Variants in MBD6 observed in about 807,000 individuals in gnomAD.
MBD6 encodes methyl-CpG binding domain protein 6.
In MBD6, 22 loss-of-function variants were observed where a neutral mutation model predicts 66.8. That is an observed-to-expected ratio of 0.33 (90% CI 0.24 to 0.47). MBD6 has a LOEUF of 0.47. Among genes scored for constraint, MBD6 ranks in the 20% least tolerant of loss-of-function variants. The pLI, the probability that MBD6 is intolerant of heterozygous loss-of-function variation, is 1.00. For missense variants in MBD6, 1,322 were observed against 1,286.9 expected (o/e 1.03, Z -0.42); for synonymous variants, 540 against 534.6 (o/e 1.01, Z -0.14).
chr12:57,527,425 A>C, intron 7 of MBD6, 82 bp from the exon 8 acceptor site: 1 of 1,511,368 alleles, frequency 6.6e-7, no homozygotes, highest in Non-Finnish European at 9.2e-7. Flanking sequence ...TTGAGGCTTC[A>C]GTCAGATAGT....
chr12:57,523,777 G>T (rs1471078699), intron 1 of MBD6, among the ~76,000 whole-genome samples: 5 of 152,200 alleles, frequency 3.3e-5, no homozygotes, highest in Non-Finnish European at 5.9e-5. Flanking sequence ...AATGGAGGGA[G>T]GCCTTGCCCT....
upstream of MBD6, among the ~76,000 whole-genome samples, chr12:57,522,364 C>G (rs1878409700): frequency 6.6e-6 from 1 of 152,312 alleles, no homozygotes; most frequent in Admixed American, 6.5e-5. Flanking sequence ...CGGGTCAAGT[C>G]CCAGCACACT....
rs1879442514 is a variant in MBD6, at chr12:57,529,718, A to G, written c.*484A>G. ...CATGCATCCTCCCCTTACCCCTCCA[A>G]CACCCCTCTGCCTCTGGCTCAGGTT... On this transcript the variant is annotated 3_prime_UTR_variant, in exon 13 of 13. Coordinates refer to ENST00000355673, the MANE Select transcript of MBD6 (RefSeq NM_052897.4). 1 of 157,116 alleles carries G rather than the reference A, an allele frequency of 6.4e-6. No individual in the cohort carries two copies. Among genetic ancestry groups the G allele is most frequent in the South Asian group, 1.9e-4 (1 of 5,366 alleles). 9.7% of individuals were successfully genotyped at this position (157,116 alleles called of 1,614,324 possible).
chr12:57,525,651 A>G lies in MBD6; in HGVS notation c.683A>G (p.Asn228Ser), dbSNP rs1316609540. The change falls in exon 6 of 13, where the codon AAC becomes AGC. Residue 228 changes from asparagine to serine, a missense_variant. By Grantham distance (46) the Asn-to-Ser change is conservative. Coordinates refer to ENST00000355673, the MANE Select transcript of MBD6 (RefSeq NM_052897.4). The part of the protein sequence containing the change: ...PAISLNAPSY[N>S]WGAALRSSLV... ...ATCAGCCTCAATGCTCCCTCATACA[A>G]CTGGGGAGCTGCCCTCAGATCCAGC... The G allele has an allele frequency of 2.5e-6, 4 of 1,613,408 alleles. No individual in the cohort carries two copies. Among genetic ancestry groups the G allele is most frequent in the Non-Finnish European group, 2.5e-6 (3 of 1,179,828 alleles).
chr12:57,530,669 TC>T (rs1407968817), downstream of MBD6: 1 of 1,607,324 alleles, frequency 6.2e-7, no homozygotes, highest in African/African-American at 1.3e-5. Flanking sequence ...TAACCCCTGT[TC>T]TCCAGCTCCC....
chr12:57,525,684 C>T lies in MBD6; in HGVS notation c.716C>T (p.Pro239Leu). 1.2e-6 allele frequency: 2 copies of T among 1,614,068 alleles called. No individual in the cohort carries two copies. Among genetic ancestry groups the T allele is most frequent in the Admixed American group, 1.7e-5 (1 of 60,016 alleles). Residue 239 changes from proline to leucine, a missense_variant, in exon 6 of 13, where the codon CCC becomes CTC. By Grantham distance (98) the Pro-to-Leu change is moderately conservative. Transcript: ENST00000355673. ...GCTGCCCTCAGATCCAGCCTGGTGCCCTCTGACCTGGGCTCTCCTCCGGCC... is the reference window on the plus strand; with the variant it reads ...GCTGCCCTCAGATCCAGCCTGGTGCTCTCTGACCTGGGCTCTCCTCCGGCC... ...WGAALRSSLV[P>L]SDLGSPPAPH... is the part of the protein sequence containing the mutation.
At chr12:57,521,510 CCTGTT>C (rs2140054524), upstream of MBD6, 1 of 152,376 alleles carries the variant, frequency 6.6e-6, no homozygotes, top group South Asian at 2.1e-4. Flanking sequence ...GGGGTGGTCT[CCTGTT>C]CTAGCCCCGT....
Position 57,529,536 on chromosome 12 carries a change from T to C in MBD6, c.*302T>C, listed in dbSNP as rs1469278501. On this transcript the variant is annotated 3_prime_UTR_variant, in exon 13 of 13. Transcript: ENST00000355673. Reference sequence around the variant, plus strand: ...GGGGAACACCCCCTTCCCCAGGTCTTTTATTTGTTTAAGTTATTTTTGCAC... The same window carrying C: ...GGGGAACACCCCCTTCCCCAGGTCTCTTATTTGTTTAAGTTATTTTTGCAC... The C allele has an allele frequency of 3.3e-6, 1 of 304,364 alleles. No individual in the cohort carries two copies. Among genetic ancestry groups the C allele is most frequent in the Non-Finnish European group, 6.2e-6 (1 of 162,206 alleles). The allele number at this position is 304,364 out of a possible 1,614,324, so 18.9% of individuals were successfully genotyped here.
In MBD6 at chr12:57,526,295, C is replaced by A. The variant is rs1342909501; in HGVS notation, c.1327C>A (p.Pro443Thr). The change falls in exon 6 of 13, where the codon CCA (proline) becomes ACA (threonine). Residue 443 changes from proline to threonine, a missense_variant. Physicochemically the swap from Pro to Thr is conservative, Grantham distance 38. Transcript: ENST00000355673. Reference sequence around the variant, plus strand: ...GTCAGATGCACACCTTCCTCCTCCCCCAACCCTCTCCTCAGGGAGCCCTCC... The same window carrying A: ...GTCAGATGCACACCTTCCTCCTCCCACAACCCTCTCCTCAGGGAGCCCTCC... ...LGSDAHLPPP[P>T]TLSSGSPPQP... 1.9e-6 allele frequency: 3 copies of A among 1,613,864 alleles called. No homozygotes were observed. The highest frequency in any genetic ancestry group is 3.3e-5 in the Admixed American group (2 of 59,976).
At chr12:57,527,760 C>T in intron 8 of MBD6, 88 bp from the exon 9 acceptor site, 9 of 1,557,416 alleles carry the variant, frequency 5.8e-6, no homozygotes, top group Non-Finnish European at 7.8e-6. Context: ...AGTCTTTGGC[C>T]ACTGGATAAA....
chr12:57,529,042 G>A (rs1879319632), intron 12 of MBD6, 33 bp downstream of exon 12: 1 of 1,613,830 alleles, frequency 6.2e-7, no homozygotes, highest in Non-Finnish European at 8.5e-7. Context: ...GGGTGGATGG[G>A]TAGGGTGTAA....
chr12:57,524,907 A>G (rs370728727), intron 4 of MBD6, 46 bp from the exon 5 acceptor site: 2 of 1,606,100 alleles, frequency 1.2e-6, no homozygotes, highest in African/African-American at 1.3e-5. Flanking sequence ...CCCTTCTCAC[A>G]GGTTCCAGCC....
chr12:57,522,755 AGCGACGGCGGCG>A (rs1404975691), upstream of MBD6: 2 of 23,480 alleles, frequency 8.5e-5, no homozygotes, highest in East Asian at 1.1e-3. Context: ...CGGCTGCGGC[AGCGACGGCGGCG>A]GCGGCAGCGG....
rs140180224 is a variant in MBD6, at chr12:57,527,691, T to C, written c.2236+31T>C. On this transcript the variant is annotated intron_variant, in intron 8 of 12. Transcript: ENST00000355673. ...TCTGAGGGAGTGTGAATTCACACTC[T>C]TGGTGTGAAAAAGCAGGAGTAAAAC... 1,491 of 1,564,644 alleles carry C rather than the reference T, an allele frequency of 9.5e-4. 15 individuals carry two copies. In the African/African-American group the frequency reaches 0.018, roughly 19 times the overall value.
At chr12:57,524,904 C>G (rs1359027082) in intron 4 of MBD6, 49 bp from the exon 5 acceptor site, 1 of 1,606,500 alleles carries the variant, frequency 6.2e-7, no homozygotes, top group Non-Finnish European at 8.5e-7. Flanking sequence ...TAGCCCTTCT[C>G]ACAGGTTCCA....
In MBD6 at chr12:57,526,981, A is replaced by C. The variant is rs1284008353; in HGVS notation, c.1836A>C (p.Pro612=). ...LLPPPPSDLL[P]PPSAPPSNLL... ...CTCCACCACCCTCAGACCTTCTTCC[A>C]CCTCCTTCAGCACCTCCCAGCAACC... The change falls in exon 7 of 13, where the codon CCA becomes CCC. Residue 612 remains proline (P), a synonymous_variant. Coordinates refer to ENST00000355673, the MANE Select transcript of MBD6 (RefSeq NM_052897.4). The C allele has an allele frequency of 1.2e-6, 2 of 1,610,104 alleles. No individual in the cohort carries two copies. The highest frequency in any genetic ancestry group is 2.7e-5 in the African/African-American group (2 of 73,370).
chr12:57,528,566 T>C lies in MBD6; in HGVS notation c.2820+6T>C. On this transcript the variant is annotated splice_donor_region_variant and intron_variant, in intron 10 of 12. Coordinates refer to ENST00000355673, the MANE Select transcript of MBD6 (RefSeq NM_052897.4). ...CCCATTCTGAGGACCTTAAGGTGAG[T>C]GCAGAGTGCTGGTAGTCTGGGCTCA... is the stretch of plus-strand genomic sequence containing the variant. 2 of 1,610,754 alleles carry C rather than the reference T, an allele frequency of 1.2e-6. No individual in the cohort carries two copies. Among genetic ancestry groups the C allele is most frequent in the Middle Eastern group, 1.7e-4 (1 of 6,026 alleles).
downstream of MBD6, among the ~76,000 whole-genome samples, chr12:57,530,982 G>A (rs1188844776): frequency 3.9e-5 from 6 of 152,156 alleles, no homozygotes; most frequent in Non-Finnish European, 7.4e-5. Context: ...TAGGACTCGA[G>A]AATTCCCATC....
Position 57,528,378 on chromosome 12 carries a change from C to T in MBD6, c.2638C>T (p.Pro880Ser), listed in dbSNP as rs749108351. 3 of 1,612,678 alleles carry T rather than the reference C, an allele frequency of 1.9e-6. No homozygotes were observed. Among genetic ancestry groups the T allele is most frequent in the African/African-American group, 1.3e-5 (1 of 74,934 alleles). ...GGCCAGGCCAGCCCGGGGCCGAAAG[C>T]CTGGCAGCCGGCGGGAGCCTGGCCG... ...GEARPARGRK[P>S]GSRREPGRLA... The change falls in exon 10 of 13, where the codon CCT (proline) becomes TCT (serine). Residue 880 changes from proline (P) to serine (S), a missense_variant. Pro to Ser is a moderately conservative substitution (Grantham distance 74). Coordinates refer to ENST00000355673, the MANE Select transcript of MBD6 (RefSeq NM_052897.4).
Sources: allele counts gnomAD v4.1 joint callset (sites outside exome capture counted in the v4.1 genomes callset), GRCh38; gene constraint gnomAD v4.1.1; transcripts MANE v1.5; gene names NCBI Gene and HGNC (gene_info 2026-07-23, HGNC 2026-07-21).